Variants in LSAMP observed in about 807,000 individuals in gnomAD.
LSAMP encodes limbic system associated membrane protein.
In LSAMP, 7 loss-of-function variants were observed where a neutral mutation model predicts 38.6. The observed-to-expected ratio is 0.18, with a 90% confidence interval of 0.10 to 0.34. The LOEUF is 0.34. Among genes scored for constraint, LSAMP ranks in the 10% least tolerant of loss-of-function variants. LSAMP has a pLI of 1.00. For synonymous variants in LSAMP, 154 were observed against 166.8 expected, an observed-to-expected ratio of 0.92 and a Z score of 0.59; for missense variants, 313 against 420.0, an observed-to-expected ratio of 0.75 and a Z score of 2.23.
At chr3:116,283,689 T>G (rs1003382945) in intron 1 of LSAMP, among the ~76,000 whole-genome samples, 1 of 152,204 alleles carries the variant, frequency 6.6e-6, no homozygotes, top group Non-Finnish European at 1.5e-5. Flanking sequence ...ATGAACCCTA[T>G]GAATCTTGTG....
intron 6 of LSAMP, among the ~76,000 whole-genome samples, chr3:115,815,858 A>G (rs1176604712): frequency 1.3e-5 from 2 of 152,110 alleles, no homozygotes; most frequent in Admixed American, 6.5e-5. Context: ...TTCAGTGAGG[A>G]CCTTCTAGCA....
rs1038760453 is a variant in LSAMP, at chr3:115,805,216, A to G, written c.*5101T>C. On this transcript the variant is annotated 3_prime_UTR_variant, in exon 7 of 7. Transcript: ENST00000490035. ...GACAACTACAGCAACAGTTGGGACA[A>G]TCTCCACTTAGATCCTGAAAGACCA... is the stretch of plus-strand genomic sequence containing the variant. 6.6e-6 allele frequency: 1 copy of G among 152,160 alleles called. No individual in the cohort carries two copies. The highest frequency in any genetic ancestry group is 6.5e-5 in the Admixed American group (1 of 15,270). The allele number at this position is 152,160 out of a possible 1,614,324, so 9.4% of individuals were successfully genotyped here. A position where few individuals can be genotyped will look rare whatever the true frequency, so the allele number is the denominator to read the frequency against.
At chr3:116,099,798 C>G (rs143697603) in intron 1 of LSAMP, among the ~76,000 whole-genome samples, 1 of 152,132 alleles carries the variant, frequency 6.6e-6, no homozygotes, top group Non-Finnish European at 1.5e-5. Flanking sequence ...TCCATGCACA[C>G]TTTTATACAT....
intron 1 of LSAMP, among the ~76,000 whole-genome samples, chr3:116,157,376 G>A (rs1709777875): frequency 1.3e-5 from 2 of 151,990 alleles, no homozygotes; most frequent in Admixed American, 6.6e-5. Flanking sequence ...TTCCTCAGGC[G>A]CTCCTATGTT....
At chr3:116,214,293 C>A (rs112062741) in intron 1 of LSAMP, among the ~76,000 whole-genome samples, 2 of 151,974 alleles carry the variant, frequency 1.3e-5, no homozygotes, top group Non-Finnish European at 2.9e-5. Context: ...TTAAGCTCAG[C>A]GCTGTAGGTC....
At chr3:116,088,063 TAAA>T (rs905004204) in intron 1 of LSAMP, among the ~76,000 whole-genome samples, 1 of 149,160 alleles carries the variant, frequency 6.7e-6, no homozygotes, top group Non-Finnish European at 1.5e-5. Flanking sequence ...CTAGCTAATT[TAAA>T]AAAAAAATTA....
At chr3:116,183,911 T>C (rs184578698) in intron 1 of LSAMP, among the ~76,000 whole-genome samples, 3 of 151,970 alleles carry the variant, frequency 2.0e-5, no homozygotes, top group Admixed American at 2.0e-4. Flanking sequence ...TTGTAGATAC[T>C]GGGTTGATTG....
chr3:115,839,243 T>G, intron 6 of LSAMP, among the ~76,000 whole-genome samples: 1 of 104,334 alleles, frequency 9.6e-6, no homozygotes, highest in East Asian at 3.2e-4. Context: ...CCTTCTTTCC[T>G]TCCTTCCTTC....
chr3:116,405,233 C>A (rs780961049), intron 1 of LSAMP, among the ~76,000 whole-genome samples: 5 of 152,118 alleles, frequency 3.3e-5, no homozygotes, highest in Non-Finnish European at 5.9e-5. Context: ...GTCTGGGTTG[C>A]AGTTTGGGGG....
At chr3:115,918,530 C>T (rs1001866054) in intron 3 of LSAMP, among the ~76,000 whole-genome samples, 1 of 152,152 alleles carries the variant, frequency 6.6e-6, no homozygotes, top group Non-Finnish European at 1.5e-5. Context: ...CAGTCTCTCA[C>T]TGGCATGGCT....
chr3:116,156,694 A>G (rs1709757325), intron 1 of LSAMP, among the ~76,000 whole-genome samples: 1 of 152,174 alleles, frequency 6.6e-6, no homozygotes, highest in South Asian at 2.1e-4. Context: ...AAGCCAACCA[A>G]AAACTTGACA....
At chr3:115,896,676 A>G (rs1936736611) in intron 3 of LSAMP, among the ~76,000 whole-genome samples, 1 of 152,056 alleles carries the variant, frequency 6.6e-6, no homozygotes, top group African/African-American at 2.4e-5. Context: ...AATCAATACC[A>G]TTGATTTAGG....
At chr3:116,042,930 T>A (rs1238335610) in intron 2 of LSAMP, among the ~76,000 whole-genome samples, 1 of 152,188 alleles carries the variant, frequency 6.6e-6, no homozygotes, top group Non-Finnish European at 1.5e-5. Flanking sequence ...ACCCAGTGCC[T>A]TTTTTATCGC....
intron 1 of LSAMP, among the ~76,000 whole-genome samples, chr3:116,359,396 G>A (rs1332374890): frequency 2.6e-5 from 4 of 152,194 alleles, no homozygotes; most frequent in Non-Finnish European, 5.9e-5. Flanking sequence ...CAACAAAGCA[G>A]TATGGAATCA....
intron 2 of LSAMP, among the ~76,000 whole-genome samples, chr3:116,083,552 T>A (rs1297097835): frequency 6.6e-6 from 1 of 152,220 alleles, no homozygotes; most frequent in Non-Finnish European, 1.5e-5. Context: ...TGGTGATATC[T>A]CATAGCACCT....
intron 1 of LSAMP, among the ~76,000 whole-genome samples, chr3:116,127,751 G>T: frequency 8.5e-6 from 1 of 117,286 alleles, no homozygotes; most frequent in African/African-American, 3.2e-5. Context: ...GAGGCAAATA[G>T]TACAAAAAAT....
At chr3:115,832,081 G>A (rs1287303375) in intron 6 of LSAMP, among the ~76,000 whole-genome samples, 4 of 152,128 alleles carry the variant, frequency 2.6e-5, no homozygotes, top group Non-Finnish European at 5.9e-5. Context: ...CTACATTCCT[G>A]CTGCGACTCT....
Position 116,082,493 on chromosome 3 carries a change from G to GC in LSAMP, c.388+3830dup, listed in dbSNP as rs546226644. On this transcript the variant is annotated intron_variant, in intron 2 of 6. Coordinates refer to ENST00000490035, the MANE Select transcript of LSAMP (RefSeq NM_002338.5). ...TTCTCTGGAATCTGCATTTTGACAA[G>GC]CATAGTAAGCCAAAATGTTGACTTT... Among the ~76,000 whole-genome samples, 783 of 152,246 alleles carry GC rather than the reference G, an allele frequency of 5.1e-3. 1 individual carries two copies. Among genetic ancestry groups the GC allele is most frequent in the African/African-American group, 0.018 (745 of 41,548 alleles).
At chr3:115,917,276 C>T (rs776622504) in intron 3 of LSAMP, among the ~76,000 whole-genome samples, 1 of 152,224 alleles carries the variant, frequency 6.6e-6, no homozygotes, top group Non-Finnish European at 1.5e-5. Context: ...TTCTTACTTG[C>T]AAGCAACCTT....
Sources: gnomAD v4.1 joint callset for allele counts (sites outside exome capture counted in the v4.1 genomes callset) on GRCh38, gnomAD v4.1.1 for gene constraint, MANE v1.5 for transcripts, NCBI Gene and HGNC (gene_info 2026-07-23, HGNC 2026-07-21) for gene names.